Variants in LZTS1 observed in about 807,000 individuals in gnomAD.
LZTS1 encodes leucine zipper putative tumor suppressor 1.
A neutral mutation model predicts 45.8 loss-of-function variants in LZTS1; 31 were observed. That is an observed-to-expected ratio of 0.68 (90% CI 0.51 to 0.91). The LOEUF (loss-of-function observed/expected upper bound fraction) is 0.91, where lower values mean the gene tolerates loss of function less well. Among genes scored for constraint, LZTS1 ranks in the 40% least tolerant of loss-of-function variants. The pLI, the probability that LZTS1 is intolerant of heterozygous loss-of-function variation, is 0.00. For missense variants in LZTS1, 821 were observed against 788.9 expected, an observed-to-expected ratio of 1.04 and a Z score of -0.49; for synonymous variants, 359 against 357.3, an observed-to-expected ratio of 1.00 and a Z score of -0.05.
intron 1 of LZTS1, among the ~76,000 whole-genome samples, chr8:20,256,104 T>C (rs1342777571): frequency 1.0e-5 from 1 of 97,690 alleles, no homozygotes; most frequent in Admixed American, 1.1e-4. Flanking sequence ...GAAAAGAAAA[T>C]GAGGTGCAAG....
intron 1 of LZTS1, among the ~76,000 whole-genome samples, chr8:20,284,986 C>T (rs574383127): frequency 1.1e-4 from 17 of 152,144 alleles, no homozygotes; most frequent in South Asian, 6.2e-4. Flanking sequence ...AGAACTCGGC[C>T]GAGCCTCTTT....
rs896597690 is a variant in LZTS1 at position 20,253,456 on chromosome 8, C to T, written c.475G>A (p.Glu159Lys). Residue 159 changes from glutamate (E) to lysine (K), a missense_variant, in exon 3 of 4, where the codon GAG (glutamate) becomes AAG (lysine). Coordinates refer to ENST00000381569, the MANE Select transcript of LZTS1 (RefSeq NM_021020.5). Reference protein sequence around the residue: ...LHPAPPDKPKEQELKPGLCSG... With the variant: ...LHPAPPDKPKKQELKPGLCSG... ...CACAGGCCAGGCTTCAGCTCCTGCT[C>T]CTTGGGCTTGTCTGGAGGGGCGGGG... 1.9e-6 allele frequency: 3 copies of T among 1,610,226 alleles called. No individual in the cohort carries two copies. In the African/African-American group the frequency reaches 4.0e-5, roughly 21 times the overall value.
chr8:20,273,905 G>A (rs776482330), intron 1 of LZTS1, among the ~76,000 whole-genome samples: 28 of 151,924 alleles, frequency 1.8e-4, no homozygotes, highest in African/African-American at 5.6e-4. Flanking sequence ...CATGTCATCC[G>A]CCACCACTTC....
Position 20,249,531 on chromosome 8 carries a change from G to A in LZTS1, c.*191C>T. Reference sequence around the variant, plus strand: ...GTCAGGGCCTGACGTCTGGTGGGCTGCAGGGCTGGTGAGCACTGGGACATC... The same window carrying A: ...GTCAGGGCCTGACGTCTGGTGGGCTACAGGGCTGGTGAGCACTGGGACATC... On this transcript the variant is annotated 3_prime_UTR_variant, in exon 4 of 4. Transcript: ENST00000381569. 1.5e-6 allele frequency: 1 copy of A among 669,512 alleles called. No individual in the cohort carries two copies. Among genetic ancestry groups the A allele is most frequent in the Non-Finnish European group, 2.5e-6 (1 of 403,708 alleles). The allele number at this position is 669,512 out of a possible 1,614,324, so 41.5% of individuals were successfully genotyped here.
chr8:20,278,708 A>G (rs181576747), intron 1 of LZTS1, among the ~76,000 whole-genome samples: 5 of 152,314 alleles, frequency 3.3e-5, no homozygotes, highest in South Asian at 2.1e-4. Flanking sequence ...ATGGAGCTCA[A>G]TACATATTCA....
At chr8:20,275,857 G>C (rs965871150) in intron 1 of LZTS1, 2 of 152,286 alleles carry the variant, frequency 1.3e-5, no homozygotes, top group South Asian at 2.1e-4. Flanking sequence ...CAGATGTCAC[G>C]TGCCGGGGTG....
intron 1 of LZTS1, among the ~76,000 whole-genome samples, chr8:20,279,145 G>T (rs190892852): frequency 6.6e-6 from 1 of 152,184 alleles, no homozygotes; most frequent in Non-Finnish European, 1.5e-5. Flanking sequence ...ACTTCCTCCA[G>T]GAAGCCATCC....
rs1379104338 is a variant in LZTS1, at chr8:20,250,294, C to T, written c.1219G>A (p.Ala407Thr). Residue 407 changes from alanine (A) to threonine (T), a missense_variant, in exon 4 of 4, where the codon GCC becomes ACC. By Grantham distance (58) the Ala-to-Thr change is moderately conservative. Transcript: ENST00000381569. ...AGACCCAGGATCTCGCTAGCCTTGG[C>T]GTTCACCTCCGTCTGGGACTCCTTC... ...QLKESQTEVNAKASEILGLKA... is the reference protein window; with the variant it reads ...QLKESQTEVNTKASEILGLKA... The T allele has an allele frequency of 5.6e-6, 9 of 1,613,574 alleles. No individual in the cohort carries two copies. In the East Asian group the frequency reaches 8.9e-5, roughly 16 times the overall value.
chr8:20,250,319 C>A lies in LZTS1; in HGVS notation c.1194G>T (p.Leu398=). Residue 398 remains leucine, a synonymous_variant, in exon 4 of 4, where the codon CTG becomes CTT. Coordinates refer to ENST00000381569, the MANE Select transcript of LZTS1 (RefSeq NM_021020.5). ...SGEISLLKQQ[L]KESQTEVNAK... The stretch of plus-strand genomic sequence containing the variant: ...CGTTCACCTCCGTCTGGGACTCCTT[C>A]AGCTGCTGCTTCAGGAGGGAGATCT... 1 of 1,611,750 alleles carries A rather than the reference C, an allele frequency of 6.2e-7. No individual in the cohort carries two copies. The highest frequency in any genetic ancestry group is 8.5e-7 in the Non-Finnish European group (1 of 1,178,680).
chr8:20,280,621 G>A (rs1800670310), intron 1 of LZTS1, among the ~76,000 whole-genome samples: 1 of 152,222 alleles, frequency 6.6e-6, no homozygotes. Flanking sequence ...TAGCTGGGGA[G>A]TCGATTGCGC....
In LZTS1 at chr8:20,255,190, G is replaced by A. The variant is rs75391525; in HGVS notation, c.-9C>T. 9.9e-4 allele frequency: 1,597 copies of A among 1,606,600 alleles called. 27 individuals carry two copies. In the East Asian group the frequency reaches 0.031, roughly 31 times the overall value. On this transcript the variant is annotated 5_prime_UTR_variant, in exon 2 of 4. Coordinates refer to ENST00000381569, the MANE Select transcript of LZTS1 (RefSeq NM_021020.5). ...CTACTGACGCTGCCCATGGTGACTCGGGGCTGAGGATGGGGCAGGGCCGGG... is the reference window on the plus strand; with the variant it reads ...CTACTGACGCTGCCCATGGTGACTCAGGGCTGAGGATGGGGCAGGGCCGGG...
At chr8:20,297,245 A>C (rs1365599720) in intron 1 of LZTS1, among the ~76,000 whole-genome samples, 1 of 152,238 alleles carries the variant, frequency 6.6e-6, no homozygotes, top group African/African-American at 2.4e-5. Flanking sequence ...TCATTAATTC[A>C]AATTCTGTGG....
rs925444577 is a variant in LZTS1 at position 20,248,649 on chromosome 8, A to G, written c.*1073T>C. 1 of 152,218 alleles carries G rather than the reference A, an allele frequency of 6.6e-6. No individual in the cohort carries two copies. The highest frequency in any genetic ancestry group is 1.5e-5 in the Non-Finnish European group (1 of 68,132). 9.4% of individuals were successfully genotyped at this position (152,218 alleles called of 1,614,324 possible). ...CCCAGAACTCAGCCCTGAAGGTGCTAAGGGGGAAAGGTTTGCCGCTAAACC... is the reference window on the plus strand; with the variant it reads ...CCCAGAACTCAGCCCTGAAGGTGCTGAGGGGGAAAGGTTTGCCGCTAAACC... On this transcript the variant is annotated 3_prime_UTR_variant, in exon 4 of 4. Coordinates refer to ENST00000381569, the MANE Select transcript of LZTS1 (RefSeq NM_021020.5).
At chr8:20,277,628 T>A (rs904987404) in intron 1 of LZTS1, among the ~76,000 whole-genome samples, 1 of 152,202 alleles carries the variant, frequency 6.6e-6, no homozygotes, top group Non-Finnish European at 1.5e-5. Flanking sequence ...GGCCTTTAAC[T>A]GTGGATTTTC....
At chr8:20,303,448 T>C (rs966877248) in intron 1 of LZTS1, among the ~76,000 whole-genome samples, 1 of 152,050 alleles carries the variant, frequency 6.6e-6, no homozygotes, top group Non-Finnish European at 1.5e-5. Context: ...GCATCGGTGC[T>C]GGGAATAGAC....
At chr8:20,253,868 TC>T (rs1800018372) in intron 2 of LZTS1, among the ~76,000 whole-genome samples, 1 of 152,036 alleles carries the variant, frequency 6.6e-6, no homozygotes, top group African/African-American at 2.4e-5. Context: ...ATAAATACCA[TC>T]TTGAGGCTCC....
rs1799989847 is a variant in LZTS1, at chr8:20,253,185, G to A, written c.746C>T (p.Pro249Leu). 6.2e-7 allele frequency: 1 copy of A among 1,613,570 alleles called. No homozygotes were observed. Among genetic ancestry groups the A allele is most frequent in the Non-Finnish European group, 8.5e-7 (1 of 1,180,040 alleles). The change falls in exon 3 of 4, where the codon CCC becomes CTC. Residue 249 changes from proline (P) to leucine (L), a missense_variant. By Grantham distance (98) the Pro-to-Leu change is moderately conservative. Transcript: ENST00000381569. ...GGAGATGGGGGAGCGGACACACGAG[G>A]GGCCCTTGTCTGCCTTGTTCGAGTG... The part of the protein sequence containing the change: ...LGHSNKADKG[P>L]SCVRSPISTD...
At chr8:20,297,662 C>T (rs998596993) in intron 1 of LZTS1, among the ~76,000 whole-genome samples, 2 of 152,132 alleles carry the variant, frequency 1.3e-5, no homozygotes, top group Non-Finnish European at 2.9e-5. Context: ...GTGATCGGCT[C>T]ACCTTGGCCT....
At chr8:20,266,305 G>T (rs1800353132) in intron 1 of LZTS1, among the ~76,000 whole-genome samples, 1 of 152,128 alleles carries the variant, frequency 6.6e-6, no homozygotes, top group African/African-American at 2.4e-5. Flanking sequence ...GGAATTACCA[G>T]TGTGAGCCAT....
Sources: gnomAD v4.1 joint callset for allele counts (sites outside exome capture counted in the v4.1 genomes callset) on GRCh38, gnomAD v4.1.1 for gene constraint, MANE v1.5 for transcripts, NCBI Gene and HGNC (gene_info 2026-07-23, HGNC 2026-07-21) for gene names.